The following SCFD1 variants were observed in gnomAD, a reference collection of about 807,000 sequenced individuals.
SCFD1 encodes sec1 family domain containing 1, also known as sec1 family domain-containing protein 1.
SCFD1 carries 37 observed loss-of-function variants against 103.2 expected under a neutral mutation model. That is an observed-to-expected ratio of 0.36 (90% CI 0.28 to 0.47). The LOEUF is 0.47. Among genes scored for constraint, SCFD1 ranks in the 20% least tolerant of loss-of-function variants. The pLI, the probability that SCFD1 is intolerant of heterozygous loss-of-function variation, is 1.00. For missense variants in SCFD1, 639 were observed against 761.2 expected (o/e 0.84, Z 1.89); for synonymous variants, 264 against 245.0 (o/e 1.08, Z -0.73).
intron 18 of SCFD1, among the ~76,000 whole-genome samples, chr14:30,707,368 G>A (rs561049629): frequency 3.3e-4 from 50 of 152,256 alleles, no homozygotes; most frequent in Admixed American, 9.2e-4. Context: ...GTGTTTTGTT[G>A]TTGTTGTTTA....
intron 19 of SCFD1, among the ~76,000 whole-genome samples, chr14:30,713,965 T>TAA (rs1320205548): frequency 6.6e-6 from 1 of 152,196 alleles, no homozygotes; most frequent in Non-Finnish European, 1.5e-5. Context: ...AAAGCACATT[T>TAA]AAATCTGCAC....
At chr14:30,706,142 T>A (rs1216925028) in intron 18 of SCFD1, among the ~76,000 whole-genome samples, 1 of 152,192 alleles carries the variant, frequency 6.6e-6, no homozygotes, top group African/African-American at 2.4e-5. Flanking sequence ...ATCAGAGTAA[T>A]TAGCATATCA....
chr14:30,625,562 A>C (rs1883305245), intron 1 of SCFD1, among the ~76,000 whole-genome samples: 1 of 150,606 alleles, frequency 6.6e-6, no homozygotes, highest in African/African-American at 2.5e-5. Context: ...GTAAACTCTG[A>C]ACACAGGCCG....
intron 21 of SCFD1, among the ~76,000 whole-genome samples, chr14:30,720,301 A>AT (rs1892566334): frequency 6.6e-6 from 1 of 152,170 alleles, no homozygotes; most frequent in Non-Finnish European, 1.5e-5. Context: ...TTGACTGCTA[A>AT]TGGGTACAGG....
In SCFD1 at chr14:30,627,745, G is replaced by GA. The variant is rs11312585; in HGVS notation, c.62-442dup. On this transcript the variant is annotated intron_variant, in intron 1 of 24. Transcript: ENST00000458591. ...GCAACAAGAGCGAAACTCTGTCTCA[G>GA]AAAAAAAAAAAAAAAAAAAAAAGAA... Among the ~76,000 whole-genome samples the GA allele has an allele frequency of 4.9e-3, 393 of 79,398 alleles. 3 individuals are homozygous for GA. The highest frequency in any genetic ancestry group is 6.5e-3 in the Non-Finnish European group (253 of 38,840). 52.1% of individuals were successfully genotyped at this position (79,398 alleles called of 152,430 possible).
intron 10 of SCFD1, among the ~76,000 whole-genome samples, chr14:30,660,047 C>A (rs1318528622): frequency 2.6e-5 from 4 of 152,096 alleles, no homozygotes; most frequent in Admixed American, 2.6e-4. Context: ...TGATAATTTC[C>A]TGGTGATATA....
Position 30,670,090 on chromosome 14 carries a change from T to C in SCFD1, c.856-166T>C, listed in dbSNP as rs572235762. On this transcript the variant is annotated intron_variant, in intron 10 of 24. Coordinates refer to ENST00000458591, the MANE Select transcript of SCFD1 (RefSeq NM_016106.4). Reference sequence around the variant, plus strand: ...TTTAATATACATCTAATACTTTCATTAAAATACAGAAACAAAATTACATTT... The same window carrying C: ...TTTAATATACATCTAATACTTTCATCAAAATACAGAAACAAAATTACATTT... The C allele has an allele frequency of 6.8e-4, 399 of 583,980 alleles. 10 individuals are homozygous for C. The South Asian group carries it at 9.6e-3, about 14-fold the overall frequency. 36.2% of individuals were successfully genotyped at this position (583,980 alleles called of 1,614,324 possible). A position where few individuals can be genotyped will look rare whatever the true frequency, so the allele number is the denominator to read the frequency against.
intron 23 of SCFD1, among the ~76,000 whole-genome samples, chr14:30,724,434 G>T (rs1406860208): frequency 6.6e-6 from 1 of 151,572 alleles, no homozygotes; most frequent in East Asian, 1.9e-4. Flanking sequence ...TGTATTTTTA[G>T]TAGACACGGA....
chr14:30,699,357 G>A (rs895265796), intron 15 of SCFD1, among the ~76,000 whole-genome samples: 1 of 152,106 alleles, frequency 6.6e-6, no homozygotes, highest in Admixed American at 6.6e-5. Flanking sequence ...CTGAGTTCTT[G>A]CATCTTAGGA....
At chr14:30,735,011 T>C in intron 24 of SCFD1, 153 bp downstream of exon 24, 3 of 583,816 alleles carry the variant, frequency 5.1e-6, no homozygotes, top group Admixed American at 3.0e-5. Context: ...CATGGACGAC[T>C]AAGAAAACCT....
chr14:30,652,516 A>G (rs1886495667), intron 9 of SCFD1: 1 of 152,084 alleles, frequency 6.6e-6, no homozygotes, highest in African/African-American at 2.4e-5. Context: ...TTATAGGAAA[A>G]AAATTATAAT....
intron 17 of SCFD1, among the ~76,000 whole-genome samples, chr14:30,703,080 C>G (rs1250329502): frequency 3.3e-5 from 5 of 151,632 alleles, no homozygotes; most frequent in Non-Finnish European, 7.4e-5. Flanking sequence ...AATTATAACA[C>G]TCTTCATTGA....
chr14:30,700,315 C>A, intron 16 of SCFD1, 57 bp downstream of exon 16: 1 of 1,067,044 alleles, frequency 9.4e-7, no homozygotes, highest in Non-Finnish European at 1.4e-6. Flanking sequence ...TAGACTACTA[C>A]AATTCAGATT....
At chr14:30,731,621 A>G (rs1442306305) in intron 23 of SCFD1, among the ~76,000 whole-genome samples, 1 of 152,134 alleles carries the variant, frequency 6.6e-6, no homozygotes, top group Non-Finnish European at 1.5e-5. Flanking sequence ...GCAATTGTGA[A>G]TGGGAGTTCA....
chr14:30,625,750 T>C (rs1310893821), intron 1 of SCFD1, among the ~76,000 whole-genome samples: 1 of 151,804 alleles, frequency 6.6e-6, no homozygotes, highest in East Asian at 1.9e-4. Context: ...TATATTGATA[T>C]AGGTAAAAGG....
intron 17 of SCFD1, among the ~76,000 whole-genome samples, chr14:30,702,630 G>A (rs1237958308): frequency 6.6e-6 from 1 of 152,136 alleles, no homozygotes; most frequent in African/African-American, 2.4e-5. Context: ...AGACCGAAAT[G>A]TCTGGAGTCA....
At chr14:30,699,265 A>G (rs1890910700) in intron 15 of SCFD1, among the ~76,000 whole-genome samples, 2 of 152,220 alleles carry the variant, frequency 1.3e-5, no homozygotes, top group Admixed American at 1.3e-4. Flanking sequence ...GTTCCAAATC[A>G]TATAAAAAAT....
Position 30,665,450 on chromosome 14 carries a change from A to G in SCFD1, c.856-4806A>G, listed in dbSNP as rs1594646773. On this transcript the variant is annotated intron_variant, in intron 10 of 24. Coordinates refer to ENST00000458591, the MANE Select transcript of SCFD1 (RefSeq NM_016106.4). ...CCACTGCAAAAACATGCCAAATTGT[A>G]AAGACCATAGATGCTAGGAAGAAAC... Among the ~76,000 whole-genome samples, 3 of 152,364 alleles carry G rather than the reference A, an allele frequency of 2.0e-5. No homozygotes were observed. In the East Asian group the frequency reaches 5.8e-4, roughly 29 times the overall value.
rs971967772 is a variant in SCFD1 at position 30,702,794 on chromosome 14, C to T, written c.1490+419C>T. On this transcript the variant is annotated intron_variant, in intron 17 of 24. Coordinates refer to ENST00000458591, the MANE Select transcript of SCFD1 (RefSeq NM_016106.4). ...CTCTGCTATTAGGAATATAAATTGT[C>T]AAAATTTTTCTGGATGGTATAAAGA... 2.0e-5 allele frequency among the ~76,000 whole-genome samples: 3 copies of T among 152,054 alleles called. No homozygotes were observed. The South Asian group carries it at 6.2e-4, about 31-fold the overall frequency.
Sources: gnomAD v4.1 joint callset for allele counts (sites outside exome capture counted in the v4.1 genomes callset) on GRCh38, gnomAD v4.1.1 for gene constraint, MANE v1.5 for transcripts, NCBI Gene and HGNC (gene_info 2026-07-23, HGNC 2026-07-21) for gene names.